Variants in DENND1A observed in about 807,000 individuals in gnomAD.
The protein encoded by DENND1A is DENN domain containing 1A.
A neutral mutation model predicts 113.7 loss-of-function variants in DENND1A; 51 were observed. The ratio of observed to expected loss-of-function variants is 0.45; its 90% CI spans 0.36 to 0.57. The LOEUF (loss-of-function observed/expected upper bound fraction) is 0.57, where lower values mean the gene tolerates loss of function less well. Ranked by LOEUF, DENND1A falls within the 20% of genes least tolerant of loss-of-function variation. The pLI is 0.00. For synonymous variants in DENND1A, 565 were observed against 570.8 expected (o/e 0.99, Z 0.14); for missense variants, 1,258 against 1,395.9 (o/e 0.90, Z 1.57).
At chr9:123,863,461 A>G (rs1250563627) in intron 2 of DENND1A, among the ~76,000 whole-genome samples, 1 of 152,222 alleles carries the variant, frequency 6.6e-6, no homozygotes, top group Non-Finnish European at 1.5e-5. Flanking sequence ...TGGGGCTTAG[A>G]GCAAAACCTT....
chr9:123,814,376 C>A (rs1426027373), intron 2 of DENND1A, among the ~76,000 whole-genome samples: 1 of 152,080 alleles, frequency 6.6e-6, no homozygotes, highest in African/African-American at 2.4e-5. Flanking sequence ...CATTTCTTTG[C>A]AAATGTTATA....
chr9:123,525,129 G>A (rs1251592026), intron 13 of DENND1A, among the ~76,000 whole-genome samples: 4 of 152,164 alleles, frequency 2.6e-5, no homozygotes, highest in Admixed American at 6.5e-5. Context: ...AGACGTGTTC[G>A]AGGTCACACT....
chr9:123,567,744 G>A (rs1489702565), intron 12 of DENND1A, among the ~76,000 whole-genome samples: 1 of 152,078 alleles, frequency 6.6e-6, no homozygotes, highest in East Asian at 1.9e-4. Context: ...GAACCAAAAT[G>A]CACTTCTGCC....
intron 1 of DENND1A, among the ~76,000 whole-genome samples, chr9:123,887,887 T>C (rs1849329089): frequency 6.6e-6 from 1 of 152,136 alleles, no homozygotes; most frequent in African/African-American, 2.4e-5. Flanking sequence ...TTATACAAAG[T>C]TGGATTTGAA....
intron 19 of DENND1A, among the ~76,000 whole-genome samples, chr9:123,412,243 T>C (rs73664356): frequency 2.2e-4 from 33 of 152,278 alleles, no homozygotes; most frequent in African/African-American, 7.7e-4. Flanking sequence ...ACACAGACCT[T>C]TCTCAACCTT....
At chr9:123,535,513 C>T (rs887412773) in intron 13 of DENND1A, among the ~76,000 whole-genome samples, 1 of 152,238 alleles carries the variant, frequency 6.6e-6, no homozygotes, top group Non-Finnish European at 1.5e-5. Flanking sequence ...TGGCCCCTGC[C>T]TCTCTCGGCC....
At chr9:123,403,811 G>C (rs886328976) in intron 20 of DENND1A, among the ~76,000 whole-genome samples, 14 of 152,132 alleles carry the variant, frequency 9.2e-5, no homozygotes, top group African/African-American at 3.1e-4. Flanking sequence ...TGTCTACATA[G>C]GACCCGGAAC....
At chr9:123,861,168 G>C (rs1428995437) in intron 2 of DENND1A, among the ~76,000 whole-genome samples, 2 of 152,090 alleles carry the variant, frequency 1.3e-5, no homozygotes, top group Non-Finnish European at 2.9e-5. Flanking sequence ...AAAATCCCAT[G>C]TAAGACCCTG....
intron 5 of DENND1A, among the ~76,000 whole-genome samples, chr9:123,725,878 C>T (rs575279171): frequency 1.5e-4 from 23 of 152,298 alleles, no homozygotes; most frequent in South Asian, 2.1e-4. Context: ...ACCTACGTGG[C>T]CCCTTATAAA....
At chr9:123,829,321 C>T (rs951885634) in intron 2 of DENND1A, among the ~76,000 whole-genome samples, 1 of 151,888 alleles carries the variant, frequency 6.6e-6, no homozygotes, top group Non-Finnish European at 1.5e-5. Context: ...GAAAATTACA[C>T]ATGACATGAA....
At chr9:123,604,042 C>T (rs531386340) in intron 11 of DENND1A, among the ~76,000 whole-genome samples, 1 of 152,296 alleles carries the variant, frequency 6.6e-6, no homozygotes, top group East Asian at 1.9e-4. Flanking sequence ...GACCATGTCC[C>T]TCCTCTATTT....
intron 20 of DENND1A, among the ~76,000 whole-genome samples, chr9:123,410,314 C>T (rs571007433): frequency 6.6e-6 from 1 of 152,326 alleles, no homozygotes; most frequent in African/African-American, 2.4e-5. Context: ...TCACTAGTCA[C>T]ACAAGGTTCA....
chr9:123,770,787 T>C (rs1255882597), intron 3 of DENND1A, among the ~76,000 whole-genome samples: 4 of 152,336 alleles, frequency 2.6e-5, no homozygotes. Flanking sequence ...AGCTTACAAA[T>C]GTAGCACTTT....
intron 22 of DENND1A, 48 bp downstream of exon 22, chr9:123,387,682 C>G: frequency 7.8e-7 from 1 of 1,285,530 alleles, no homozygotes; most frequent in Non-Finnish European, 1.0e-6. Context: ...TGCAGCCCCG[C>G]AGAGTCACCA....
In DENND1A at chr9:123,440,431, A is replaced by G. The variant is rs1437109542; in HGVS notation, c.1417T>C (p.Ser473Pro). ...GGGTCCTTGGCCTCCACCAGTGGGG[A>G]CGGTGCAGTCTTTGGCAGCTGCTCT... ...PEEQLPKTAP[S>P]PLVEAKDPKL... The change falls in exon 19 of 24, where the codon TCC (serine) becomes CCC (proline). Residue 473 changes from serine (S) to proline (P), a missense_variant. Physicochemically the swap from Ser to Pro is moderately conservative, Grantham distance 74 (BLOSUM62 -1). Around this residue, in one of 2 missense-constraint regions of DENND1A, gnomAD observed 1,159 missense variants for 1,231.7 expected, o/e 0.94. Coordinates refer to ENST00000394215, the MANE Select transcript of DENND1A (RefSeq NM_001352964.2). 1 of 1,583,036 alleles carries G rather than the reference A, an allele frequency of 6.3e-7. No individual in the cohort carries two copies. Among genetic ancestry groups the G allele is most frequent in the African/African-American group, 1.4e-5 (1 of 71,820 alleles).
At chr9:123,401,568 T>A (rs1395210892) in intron 21 of DENND1A, 1 of 1,386,192 alleles carries the variant, frequency 7.2e-7, no homozygotes, top group East Asian at 2.7e-5. Context: ...TCACTGGTAG[T>A]TTGCCAACCA....
chr9:123,680,168 G>C (rs2064349958), intron 5 of DENND1A, among the ~76,000 whole-genome samples: 1 of 152,318 alleles, frequency 6.6e-6, no homozygotes, highest in African/African-American at 2.4e-5. Context: ...TCAGAAGACA[G>C]AGAAAAGCGA....
chr9:123,425,370 C>T (rs541843857), intron 19 of DENND1A, among the ~76,000 whole-genome samples: 9 of 152,386 alleles, frequency 5.9e-5, no homozygotes, highest in Admixed American at 4.6e-4. Flanking sequence ...AGAGAAGCCC[C>T]GCTGTCACAC....
Position 123,382,237 on chromosome 9 carries a change from C to A in DENND1A, c.2408G>T (p.Arg803Leu), listed in dbSNP as rs143737492. The A allele has an allele frequency of 4.5e-5, 73 of 1,609,502 alleles. No individual in the cohort carries two copies. In the South Asian group the frequency reaches 7.8e-4, roughly 17 times the overall value. The change falls in exon 24 of 24, where the codon CGG becomes CTG. Residue 803 changes from arginine to leucine, a missense_variant. Physicochemically the swap from Arg to Leu is moderately radical, Grantham distance 102. This residue lies in a region of DENND1A where 1,159 missense variants were observed against 1,231.7 expected (regional missense o/e 0.94). Coordinates refer to ENST00000394215, the MANE Select transcript of DENND1A (RefSeq NM_001352964.2). ...TGGACTCAGGGCAGCTCGCCTGTCC[C>A]GATCCGTCTGCAGCCGCTCTGAGAC... is the stretch of plus-strand genomic sequence containing the variant. Reference protein sequence around the residue: ...GDVSERLQTDRDRRAALSPGL... With the variant: ...GDVSERLQTDLDRRAALSPGL...
Sources: allele counts gnomAD v4.1 joint callset (sites outside exome capture counted in the v4.1 genomes callset), GRCh38; gene constraint gnomAD v4.1.1; regional missense constraint gnomAD v4.1.1; transcripts MANE v1.5; gene names NCBI Gene and HGNC (gene_info 2026-07-23, HGNC 2026-07-21).